PCDH11Y: variants seen among roughly 807,000 people sequenced by gnomAD.
The protein encoded by PCDH11Y is protocadherin-11 Y-linked.
For synonymous variants in PCDH11Y, 9 were observed against 83.6 expected, an observed-to-expected ratio of 0.11 and a Z score of 4.87; for missense variants, 12 against 224.8, an observed-to-expected ratio of 0.05 and a Z score of 6.05.
chrY:5,177,559 G>A, intron 2 of PCDH11Y, among the ~76,000 whole-genome samples: 2 of 33,272 alleles, frequency 6.0e-5, no homozygotes, highest in Admixed American at 5.6e-4. Context: ...AGCATGGATG[G>A]AACTGTGGAA....
intron 2 of PCDH11Y, among the ~76,000 whole-genome samples, chrY:5,258,767 C>T (rs2053014212): frequency 3.0e-5 from 1 of 32,900 alleles, no homozygotes. Flanking sequence ...GAAAAGGATG[C>T]GTATTATGCA....
intron 4 of PCDH11Y, among the ~76,000 whole-genome samples, chrY:5,671,550 T>C: frequency 3.0e-5 from 1 of 32,787 alleles, no homozygotes; most frequent in Admixed American, 2.8e-4. Flanking sequence ...CTTTTTAAAA[T>C]TTCTCTTACA....
intron 2 of PCDH11Y, among the ~76,000 whole-genome samples, chrY:5,122,476 C>G: frequency 3.1e-5 from 1 of 32,618 alleles, no homozygotes; most frequent in Non-Finnish European, 7.5e-5. Flanking sequence ...AGCAAAAATT[C>G]TTCTAGTAGG....
intron 2 of PCDH11Y, among the ~76,000 whole-genome samples, chrY:5,426,657 A>C: frequency 6.1e-5 from 2 of 32,686 alleles, no homozygotes; most frequent in Non-Finnish European, 1.5e-4. Flanking sequence ...CAAATTTATC[A>C]AAATGTAATA....
intron 2 of PCDH11Y, among the ~76,000 whole-genome samples, chrY:5,359,622 C>A (rs2053172638): frequency 3.2e-5 from 1 of 31,316 alleles, no homozygotes; most frequent in Non-Finnish European, 7.7e-5. Context: ...CCTCTGACAA[C>A]AGGAAGGACT....
intron 4 of PCDH11Y, among the ~76,000 whole-genome samples, chrY:5,732,756 C>T: frequency 3.0e-5 from 1 of 33,494 alleles, no homozygotes. Flanking sequence ...AAGTTACCTA[C>T]ATTGTCCACT....
intron 2 of PCDH11Y, among the ~76,000 whole-genome samples, chrY:5,397,040 A>G: frequency 3.0e-5 from 1 of 33,329 alleles, no homozygotes; most frequent in Non-Finnish European, 7.4e-5. Flanking sequence ...TACAGGCATG[A>G]GTCACCGTGC....
chrY:5,106,035 T>A, downstream of PCDH11Y, among the ~76,000 whole-genome samples: 1 of 33,335 alleles, frequency 3.0e-5, no homozygotes. Context: ...CTTTTCACAG[T>A]AAGTCAACTA....
At chrY:5,314,157 T>C in intron 2 of PCDH11Y, among the ~76,000 whole-genome samples, 2 of 33,317 alleles carry the variant, frequency 6.0e-5, no homozygotes, top group African/African-American at 2.3e-4. Flanking sequence ...TTTCCTTTAT[T>C]TTCTTTTTGA....
At chrY:5,227,294 C>G in intron 2 of PCDH11Y, among the ~76,000 whole-genome samples, 1 of 32,960 alleles carries the variant, frequency 3.0e-5, no homozygotes, top group African/African-American at 1.2e-4. Flanking sequence ...TATCCTGCAA[C>G]TTTACTGAAT....
At chrY:5,586,533 A>G in intron 4 of PCDH11Y, among the ~76,000 whole-genome samples, 7 of 30,039 alleles carry the variant, frequency 2.3e-4, no homozygotes, top group Non-Finnish European at 4.0e-4. Context: ...TTTTTTTTAG[A>G]TATAGGGTCA....
At chrY:5,651,087 C>T in intron 4 of PCDH11Y, among the ~76,000 whole-genome samples, 1 of 33,047 alleles carries the variant, frequency 3.0e-5, no homozygotes. Flanking sequence ...ATAATGTGTA[C>T]TTTCCATTGG....
chrY:5,199,446 C>T, intron 2 of PCDH11Y, among the ~76,000 whole-genome samples: 1 of 31,589 alleles, frequency 3.2e-5, no homozygotes, highest in African/African-American at 1.3e-4. Context: ...TGCCACCATG[C>T]CCGGCTAATT....
chrY:5,666,234 A>C, intron 4 of PCDH11Y, among the ~76,000 whole-genome samples: 1 of 33,115 alleles, frequency 3.0e-5, no homozygotes, highest in Non-Finnish European at 7.4e-5. Flanking sequence ...CATTCACTGC[A>C]TGGGAAGAAA....
At chrY:5,708,999 A>G in intron 4 of PCDH11Y, among the ~76,000 whole-genome samples, 3 of 32,900 alleles carry the variant, frequency 9.1e-5, no homozygotes, top group African/African-American at 2.4e-4. Context: ...TAATCTAAAG[A>G]TTATAAGATC....
chrY:5,301,868 G>A, intron 2 of PCDH11Y, among the ~76,000 whole-genome samples: 3 of 29,597 alleles, frequency 1.0e-4, no homozygotes, highest in African/African-American at 4.0e-4. Context: ...GGCAATCAGT[G>A]TATACCTGTT....
chrY:5,426,882 T>G (rs1602923546), intron 2 of PCDH11Y, among the ~76,000 whole-genome samples: 15 of 33,588 alleles, frequency 4.5e-4, no homozygotes, highest in African/African-American at 1.7e-3. Flanking sequence ...TACTAAAACC[T>G]TAGAAATTTG....
intron 3 of PCDH11Y, among the ~76,000 whole-genome samples, chrY:5,537,189 A>G (rs2053401244): frequency 9.7e-5 from 3 of 31,044 alleles, no homozygotes; most frequent in Non-Finnish European, 2.3e-4. Flanking sequence ...CTATCCATTC[A>G]TAAGTGTAGA....
intron 4 of PCDH11Y, among the ~76,000 whole-genome samples, chrY:5,736,440 G>T (rs2124715800): frequency 6.1e-4 from 20 of 33,011 alleles, no homozygotes; most frequent in African/African-American, 2.4e-3. Flanking sequence ...ACACAGGATT[G>T]ATACGTCTTC....
Sources: allele counts gnomAD v4.1 joint callset (sites outside exome capture counted in the v4.1 genomes callset), GRCh38; gene constraint gnomAD v4.1.1; transcripts MANE v1.5; gene names NCBI Gene and HGNC (gene_info 2026-07-23, HGNC 2026-07-21).